The following DCC variants were observed in gnomAD, a reference collection of about 807,000 sequenced individuals.
DCC encodes netrin receptor DCC.
DCC carries 58 observed loss-of-function variants against 172.5 expected under a neutral mutation model. The observed-to-expected ratio is 0.34, with a 90% CI of 0.27 to 0.42. DCC has a LOEUF of 0.42. Among genes scored for constraint, DCC ranks in the 10% least tolerant of loss-of-function variants. The probability of loss-of-function intolerance (pLI) is 1.00; values close to 1 mark genes in which losing one functional copy is unlikely to be tolerated. For synonymous variants in DCC, 709 were observed against 644.5 expected (o/e 1.10, Z -1.52); for missense variants, 1,740 against 1,791.0 (o/e 0.97, Z 0.51).
intron 2 of DCC, among the ~76,000 whole-genome samples, chr18:52,781,496 G>A (rs2037542444): frequency 6.6e-6 from 1 of 152,108 alleles, no homozygotes; most frequent in African/African-American, 2.4e-5. Context: ...CATTGTGACC[G>A]CTGAAAGGGA....
chr18:53,047,268 ATATATATATATATATATATAATTT>A (rs1568267978), intron 5 of DCC, among the ~76,000 whole-genome samples: 23 of 17,798 alleles, frequency 1.3e-3, no homozygotes, highest in African/African-American at 9.6e-3. Flanking sequence ...ATATATATAT[ATATATATATATATATATATAATTT>A]TATATATATA....
intron 2 of DCC, among the ~76,000 whole-genome samples, chr18:52,789,436 A>G (rs1281644425): frequency 2.0e-5 from 3 of 152,158 alleles, no homozygotes; most frequent in Non-Finnish European, 4.4e-5. Flanking sequence ...AAGATTCAAG[A>G]AGAGACAAAC....
chr18:52,857,340 T>C lies in DCC; in HGVS notation c.413-48704T>C, dbSNP rs897642826. 2.0e-5 allele frequency among the ~76,000 whole-genome samples: 3 copies of C among 152,314 alleles called. No homozygotes were observed. In the East Asian group the frequency reaches 5.8e-4, roughly 29 times the overall value. ...CATTAATGAGCTCACTCCATTAAATTAGTTCTTTTTTTCTTGTTAAATATC... is the reference window on the plus strand; with the variant it reads ...CATTAATGAGCTCACTCCATTAAATCAGTTCTTTTTTTCTTGTTAAATATC... On this transcript the variant is annotated intron_variant, in intron 2 of 28. Coordinates refer to ENST00000442544, the MANE Select transcript of DCC (RefSeq NM_005215.4).
chr18:53,339,818 G>T lies in DCC; in HGVS notation c.2270G>T (p.Gly757Val). 1.2e-6 allele frequency: 2 copies of T among 1,613,950 alleles called. No homozygotes were observed. The highest frequency in any genetic ancestry group is 1.7e-6 in the Non-Finnish European group (2 of 1,179,962). The change falls in exon 15 of 29, where the codon GGT (glycine) becomes GTT (valine). Residue 757 changes from glycine (G) to valine (V), a missense_variant. By Grantham distance (109) the Gly-to-Val change is moderately radical (BLOSUM62 -3). Around this residue, in one of 2 missense-constraint regions of DCC, gnomAD observed 1,732 missense variants for 1,767.4 expected, o/e 0.98. Coordinates refer to ENST00000442544, the MANE Select transcript of DCC (RefSeq NM_005215.4). ...TTGAACCCAAACATCGTGGTGCGAG[G>T]TTATATTATCGGTTATGGCGTTGGG... Reference protein sequence around the residue: ...PPLNPNIVVRGYIIGYGVGSP... With the variant: ...PPLNPNIVVRVYIIGYGVGSP...
At chr18:52,661,554 C>CA (rs1267757739) in intron 1 of DCC, among the ~76,000 whole-genome samples, 1 of 152,236 alleles carries the variant, frequency 6.6e-6, no homozygotes, top group Non-Finnish European at 1.5e-5. Context: ...GATGCCTCCA[C>CA]AGGAGATGGG....
chr18:52,459,954 C>G (rs1467559805), intron 1 of DCC, among the ~76,000 whole-genome samples: 1 of 151,638 alleles, frequency 6.6e-6, no homozygotes, highest in East Asian at 1.9e-4. Context: ...TTTATCTAGT[C>G]TACCATTAAT....
intron 28 of DCC, 47 bp downstream of exon 28, chr18:53,526,806 T>G (rs17515923): frequency 0.38 from 610,079 of 1,607,644 alleles, 125,804 homozygotes; most frequent in Non-Finnish European, 0.43. Context: ...ACAGATTGAC[T>G]GGCGCTGTGT....
chr18:52,766,735 C>T (rs539430286), intron 2 of DCC, among the ~76,000 whole-genome samples: 7 of 151,772 alleles, frequency 4.6e-5, no homozygotes, highest in Admixed American at 1.3e-4. Flanking sequence ...TGATGAGATG[C>T]GGTGGGGCCA....
In DCC at chr18:52,639,117, A is replaced by T. The variant is rs370439324; in HGVS notation, c.92-112937A>T. Among the ~76,000 whole-genome samples, 25 of 152,330 alleles carry T rather than the reference A, an allele frequency of 1.6e-4. No individual in the cohort carries two copies. The South Asian group carries it at 5.2e-3, about 32-fold the overall frequency. On this transcript the variant is annotated intron_variant, in intron 1 of 28. Transcript: ENST00000442544. The stretch of plus-strand genomic sequence containing the variant: ...TTAAAAATTCTTTGAACTGAATGAC[A>T]GTAATGACACAACCTACCAAAATCT...
chr18:52,534,754 T>G (rs187346285), intron 1 of DCC, among the ~76,000 whole-genome samples: 205 of 152,286 alleles, frequency 1.3e-3, no homozygotes, highest in African/African-American at 4.7e-3. Context: ...AGTACTTCAT[T>G]AGGGATCTTT....
intron 1 of DCC, among the ~76,000 whole-genome samples, chr18:52,693,382 A>G (rs2035961693): frequency 6.8e-6 from 1 of 147,878 alleles, no homozygotes; most frequent in African/African-American, 2.5e-5. Context: ...TATATTGTAT[A>G]TAAATATATA....
intron 5 of DCC, among the ~76,000 whole-genome samples, chr18:52,930,224 C>G (rs1454522020): frequency 1.3e-5 from 2 of 152,080 alleles, no homozygotes; most frequent in East Asian, 3.9e-4. Context: ...CTTGGCCTCC[C>G]AAGGTTCTGG....
At chr18:53,492,627 A>G (rs2045971756) in intron 26 of DCC, among the ~76,000 whole-genome samples, 1 of 152,026 alleles carries the variant, frequency 6.6e-6, no homozygotes. Flanking sequence ...GATGTGTGGT[A>G]TTATTTCTGA....
At chr18:52,634,927 G>C (rs960640551) in intron 1 of DCC, among the ~76,000 whole-genome samples, 1 of 152,070 alleles carries the variant, frequency 6.6e-6, no homozygotes, top group Non-Finnish European at 1.5e-5. Context: ...CAATAATTCA[G>C]TTCTCCACTG....
intron 12 of DCC, among the ~76,000 whole-genome samples, chr18:53,251,522 T>C (rs1425672686): frequency 6.6e-6 from 1 of 152,002 alleles, no homozygotes. Flanking sequence ...ATCATACCTG[T>C]AACTCAAACC....
intron 1 of DCC, among the ~76,000 whole-genome samples, chr18:52,556,734 A>C: frequency 6.6e-6 from 1 of 150,584 alleles, no homozygotes; most frequent in African/African-American, 2.4e-5. Context: ...CCTTCCCCCC[A>C]CCTCATGAAT....
At chr18:52,874,934 T>C (rs1243460053) in intron 2 of DCC, among the ~76,000 whole-genome samples, 2 of 152,034 alleles carry the variant, frequency 1.3e-5, no homozygotes, top group Admixed American at 1.3e-4. Context: ...CAGTGTAGAA[T>C]TGGCTAGGTA....
At chr18:53,291,952 T>C (rs1307644612) in intron 12 of DCC, among the ~76,000 whole-genome samples, 1 of 152,160 alleles carries the variant, frequency 6.6e-6, no homozygotes, top group Non-Finnish European at 1.5e-5. Context: ...CATTTCCAGT[T>C]TCTAGGACCT....
At chr18:53,237,049 CTATT>C (rs1420971679) in intron 12 of DCC, 1 of 151,678 alleles carries the variant, frequency 6.6e-6, no homozygotes, top group Non-Finnish European at 1.5e-5. Context: ...TGGAATGTAA[CTATT>C]TATATATGTT....
Sources: allele counts gnomAD v4.1 joint callset (sites outside exome capture counted in the v4.1 genomes callset), GRCh38; gene constraint gnomAD v4.1.1; regional missense constraint gnomAD v4.1.1; transcripts MANE v1.5; gene names NCBI Gene and HGNC (gene_info 2026-07-23, HGNC 2026-07-21).